The following PIBF1 variants were observed in gnomAD, a reference collection of about 807,000 sequenced individuals.
The protein encoded by PIBF1 is progesterone immunomodulatory binding factor 1.
Under a neutral mutation model 112.5 loss-of-function variants are expected in PIBF1, and 90 were observed. That is an observed-to-expected ratio of 0.80 (90% CI 0.67 to 0.95). The LOEUF is 0.95. Ranked by LOEUF, PIBF1 falls within the 40% of genes least tolerant of loss-of-function variation. The pLI is 0.00. For missense variants in PIBF1, 915 were observed against 852.3 expected (o/e 1.07, Z -0.92); for synonymous variants, 301 against 288.6 (o/e 1.04, Z -0.44).
chr13:73,012,575 C>A (rs184986507), intron 17 of PIBF1, among the ~76,000 whole-genome samples: 2 of 147,618 alleles, frequency 1.4e-5, no homozygotes, highest in Non-Finnish European at 1.5e-5. Flanking sequence ...ACACACACAC[C>A]AAAAAAAACA....
chr13:72,869,881 T>C (rs2039090944), intron 10 of PIBF1, among the ~76,000 whole-genome samples: 1 of 152,124 alleles, frequency 6.6e-6, no homozygotes, highest in Non-Finnish European at 1.5e-5. Flanking sequence ...ATGGCTCAAA[T>C]ATTTCATGAG....
At chr13:72,901,159 CTATATA>C (rs1401793741) in intron 11 of PIBF1, 2 of 360,082 alleles carry the variant, frequency 5.6e-6, no homozygotes, top group Non-Finnish European at 1.1e-5. Context: ...TCTTCACAAT[CTATATA>C]TCTGACAAAG....
At chr13:72,844,649 A>G (rs117897321) in intron 9 of PIBF1, among the ~76,000 whole-genome samples, 1 of 152,012 alleles carries the variant, frequency 6.6e-6, no homozygotes, top group East Asian at 1.9e-4. Context: ...GTCTTTTAAG[A>G]GAATTTGCAA....
chr13:72,856,346 C>G (rs2038422100), intron 10 of PIBF1, among the ~76,000 whole-genome samples: 1 of 152,116 alleles, frequency 6.6e-6, no homozygotes, highest in Non-Finnish European at 1.5e-5. Context: ...AACTGGAAAA[C>G]CTCATTTTCA....
chr13:72,994,294 A>G (rs1232890597), intron 16 of PIBF1, among the ~76,000 whole-genome samples: 5 of 152,234 alleles, frequency 3.3e-5, no homozygotes, highest in Non-Finnish European at 1.5e-5. Context: ...AAGAAGCTAG[A>G]TAATATTAGG....
intron 10 of PIBF1, among the ~76,000 whole-genome samples, chr13:72,893,420 A>G (rs2040138113): frequency 6.6e-6 from 1 of 152,162 alleles, no homozygotes; most frequent in African/African-American, 2.4e-5. Context: ...TTAGGATGAA[A>G]TAGCAAGCTG....
intron 2 of PIBF1, among the ~76,000 whole-genome samples, chr13:72,790,443 A>T (rs935930589): frequency 3.3e-5 from 5 of 150,220 alleles, no homozygotes; most frequent in African/African-American, 1.2e-4. Context: ...ACACACACAC[A>T]CACACACACA....
chr13:72,830,077 G>A (rs1271911052), intron 8 of PIBF1, among the ~76,000 whole-genome samples: 1 of 152,114 alleles, frequency 6.6e-6, no homozygotes, highest in Admixed American at 6.5e-5. Context: ...TTGGCTCTTT[G>A]TCTGTCATTG....
chr13:72,960,905 A>G lies in PIBF1; in HGVS notation c.1834-4369A>G, dbSNP rs112980905. On this transcript the variant is annotated intron_variant, in intron 14 of 17. Coordinates refer to ENST00000326291, the MANE Select transcript of PIBF1 (RefSeq NM_006346.4). Reference sequence around the variant, plus strand: ...AAGAATAATTACCAAAGCAAAGAAAAAAAACATTCTAAAACCCAAACTATA... The same window carrying G: ...AAGAATAATTACCAAAGCAAAGAAAGAAAACATTCTAAAACCCAAACTATA... Among the ~76,000 whole-genome samples the G allele has an allele frequency of 7.6e-3, 1,158 of 152,326 alleles. 26 individuals are homozygous for G. The highest frequency in any genetic ancestry group is 0.026 in the African/African-American group (1,091 of 41,558).
chr13:72,971,953 T>TA (rs57192140), intron 15 of PIBF1, among the ~76,000 whole-genome samples: 167 of 146,770 alleles, frequency 1.1e-3, no homozygotes, highest in African/African-American at 3.0e-3. Flanking sequence ...TTTCTTGAAT[T>TA]AAAAAAAAAA....
In PIBF1 at chr13:72,931,165, T is replaced by G. The variant is rs1207639402; in HGVS notation, c.1731T>G (p.Ser577Arg). 1 of 1,593,006 alleles carries G rather than the reference T, an allele frequency of 6.3e-7. No individual in the cohort carries two copies. The highest frequency in any genetic ancestry group is 8.6e-7 in the Non-Finnish European group (1 of 1,163,716). Residue 577 changes from serine (S) to arginine (R), a missense_variant and splice_region_variant, in exon 14 of 18, where the codon AGT becomes AGG. Physicochemically the swap from Ser to Arg is moderately radical, Grantham distance 110 (BLOSUM62 -1). Transcript: ENST00000326291. ...TAATTTTCTTATTTCATTTGCCTAG[T>G]GTTCACTTGGCAAGAAGAGTGCTTC... ...PTTAKRRLKQ[S>R]VHLARRVLQL...
At chr13:72,963,374 A>G (rs981186424) in intron 14 of PIBF1, among the ~76,000 whole-genome samples, 7 of 152,200 alleles carry the variant, frequency 4.6e-5, no homozygotes, top group Admixed American at 1.3e-4. Flanking sequence ...CAGGCAGATC[A>G]CTTGAAGTCA....
intron 17 of PIBF1, among the ~76,000 whole-genome samples, chr13:73,013,563 C>T (rs573073912): frequency 1.3e-5 from 2 of 150,832 alleles, no homozygotes; most frequent in East Asian, 1.9e-4. Flanking sequence ...ATGGCAAAAC[C>T]CCATCTCTAT....
rs2034409643 is a variant in PIBF1, at chr13:72,783,444, A to G, written c.-26A>G. On this transcript the variant is annotated 5_prime_UTR_variant, in exon 2 of 18. Coordinates refer to ENST00000326291, the MANE Select transcript of PIBF1 (RefSeq NM_006346.4). ...ACAGAATATTAAAATCAAATTAGAG[A>G]AGAAAACTGATCCATAATAATAAAA... 1.4e-6 allele frequency: 2 copies of G among 1,472,146 alleles called. No homozygotes were observed. Among genetic ancestry groups the G allele is most frequent in the Admixed American group, 1.9e-5 (1 of 51,914 alleles). 91.2% of individuals were successfully genotyped at this position (1,472,146 alleles called of 1,614,324 possible).
At chr13:72,873,371 A>G (rs1317622987) in intron 10 of PIBF1, among the ~76,000 whole-genome samples, 1 of 152,306 alleles carries the variant, frequency 6.6e-6, no homozygotes, top group Middle Eastern at 3.4e-3. Context: ...TAAATAGGAC[A>G]TAAAGAACGT....
At chr13:72,951,097 G>T (rs1395688114) in intron 14 of PIBF1, among the ~76,000 whole-genome samples, 1 of 152,228 alleles carries the variant, frequency 6.6e-6, no homozygotes, top group Non-Finnish European at 1.5e-5. Flanking sequence ...ATATTTCTTT[G>T]TGGATAATTA....
intron 13 of PIBF1, among the ~76,000 whole-genome samples, chr13:72,925,039 T>C (rs1397529694): frequency 1.3e-5 from 2 of 152,110 alleles, no homozygotes; most frequent in African/African-American, 2.4e-5. Flanking sequence ...TGTGAGACGT[T>C]AAGTAGAGTA....
At chr13:72,814,666 A>G (rs972907033) in intron 5 of PIBF1, among the ~76,000 whole-genome samples, 1 of 152,046 alleles carries the variant, frequency 6.6e-6, no homozygotes, top group Non-Finnish European at 1.5e-5. Context: ...GAACATTTTT[A>G]TATCAAAATT....
chr13:72,937,041 A>G (rs753352357), intron 14 of PIBF1, among the ~76,000 whole-genome samples: 14 of 152,196 alleles, frequency 9.2e-5, no homozygotes, highest in Admixed American at 5.2e-4. Context: ...TTACAGTGAA[A>G]ACTACTAAAA....
Sources: gnomAD v4.1 joint callset for allele counts (sites outside exome capture counted in the v4.1 genomes callset) on GRCh38, gnomAD v4.1.1 for gene constraint, MANE v1.5 for transcripts, NCBI Gene and HGNC (gene_info 2026-07-23, HGNC 2026-07-21) for gene names.